Variants in MUC6 observed in about 807,000 individuals in gnomAD.
MUC6 encodes mucin-6.
In MUC6, 188 loss-of-function variants were observed where a neutral mutation model predicts 201.5. The ratio of observed to expected loss-of-function variants is 0.93; its 90% CI spans 0.83 to 1.05. The LOEUF (loss-of-function observed/expected upper bound fraction) is 1.05, where lower values mean the gene tolerates loss of function less well. Ranked by LOEUF, MUC6 falls within the 50% of genes least tolerant of loss-of-function variation. The pLI is 0.00. For synonymous variants in MUC6, 1,228 were observed against 1,389.4 expected (o/e 0.88, Z 2.58); for missense variants, 2,706 against 3,256.9 (o/e 0.83, Z 4.12).
intron 31 of MUC6, among the ~76,000 whole-genome samples, chr11:1,014,672 C>T (rs982674769): frequency 5.9e-5 from 9 of 152,140 alleles, no homozygotes; most frequent in African/African-American, 1.9e-4. Flanking sequence ...GAAAAGGAGT[C>T]CTGGGGTAAA....
Position 1,023,627 on chromosome 11 carries a change from C to T in MUC6, c.3408G>A (p.Thr1136=), listed in dbSNP as rs369651193. The T allele has an allele frequency of 3.6e-5, 58 of 1,612,808 alleles. No homozygotes were observed. The highest frequency in any genetic ancestry group is 2.3e-4 in the Admixed American group (14 of 60,026). Residue 1136 remains threonine (T), a synonymous_variant, in exon 26 of 33, where the codon ACG becomes ACA. Coordinates refer to ENST00000421673, the MANE Select transcript of MUC6 (RefSeq NM_005961.3). ...FCPIYCGFYN[T]HTQDGHGEYQ... is the part of the protein sequence containing the mutation. ...ACTCGCCATGGCCGTCCTGCGTGTG[C>T]GTGTTGTAGAAGCCGCAGTAGATGG...
Position 1,026,405 on chromosome 11 carries a change from G to A in MUC6, c.2468C>T (p.Pro823Leu), listed in dbSNP as rs1199066619. The A allele has an allele frequency of 1.2e-6, 2 of 1,608,602 alleles. No individual in the cohort carries two copies. Among genetic ancestry groups the A allele is most frequent in the Non-Finnish European group, 1.7e-6 (2 of 1,178,314 alleles). The change falls in exon 20 of 33, where the codon CCC (proline) becomes CTC (leucine). Residue 823 changes from proline to leucine, a missense_variant. By Grantham distance (98) the Pro-to-Leu change is moderately conservative. Transcript: ENST00000421673. The stretch of plus-strand genomic sequence containing the variant: ...GAACTCACATGGGCACTCCTCGGGG[G>A]GCACACACTGCCCGTCGGCATTCTC... ...LYENADGQCV[P>L]PEECPCEFSG...
intron 7 of MUC6, 34 bp from the exon 8 acceptor site, chr11:1,030,369 C>CCCCCCCCCCCCCCCCCCCCCG: frequency 6.6e-7 from 1 of 1,523,302 alleles, no homozygotes; most frequent in Non-Finnish European, 8.8e-7. Context: ...GAGAGGGTCC[C>CCCCCCCCCCCCCCCCCCCCCG]ACCCCCCCCA....
In MUC6 at chr11:1,028,206, G is replaced by T. The variant is rs772582943; in HGVS notation, c.1753+20C>A. On this transcript the variant is annotated intron_variant, in intron 14 of 32. Coordinates refer to ENST00000421673, the MANE Select transcript of MUC6 (RefSeq NM_005961.3). The stretch of plus-strand genomic sequence containing the variant: ...GGGCGCTGGGGGGGCAGCCAGGGGA[G>T]TGGGGGGCCGGACACTCACTGTTGA... 3 of 1,554,194 alleles carry T rather than the reference G, an allele frequency of 1.9e-6. No homozygotes were observed. The highest frequency in any genetic ancestry group is 3.8e-5 in the Admixed American group (2 of 52,132).
At position 1,017,520 on chromosome 11, in the gene MUC6, C is replaced by A; in HGVS notation, c.5281G>T (p.Val1761Phe). The change falls in exon 31 of 33, where the codon GTC becomes TTC. Residue 1761 changes from valine (V) to phenylalanine (F), a missense_variant. By Grantham distance (50) the Val-to-Phe change is conservative. This residue lies in a region of MUC6 where 25 missense variants were observed against 138.4 expected (regional missense o/e 0.18). Transcript: ENST00000421673. ...ATGCTGGTGGTAGAAGTTGAGGTGACTTCAGGATGGTGTGTGGAGGAAGTG... is the reference window on the plus strand; with the variant it reads ...ATGCTGGTGGTAGAAGTTGAGGTGAATTCAGGATGGTGTGTGGAGGAAGTG... ...SHTSSTHHPE[V>F]TSTSTTSITP... is the part of the protein sequence containing the mutation. The A allele has an allele frequency of 6.8e-7, 1 of 1,460,374 alleles. No individual in the cohort carries two copies. The highest frequency in any genetic ancestry group is 9.2e-7 in the Non-Finnish European group (1 of 1,085,508). The allele number at this position is 1,460,374 out of a possible 1,614,324, so 90.5% of individuals were successfully genotyped here.
chr11:1,019,841 C>T, intron 29 of MUC6: 1 of 665,032 alleles, frequency 1.5e-6, no homozygotes. Flanking sequence ...AGAGGCCCTG[C>T]AGGTCCCACA....
At chr11:1,035,534 A>ATCTCCCACG (rs1857197036) in intron 1 of MUC6, among the ~76,000 whole-genome samples, 1 of 119,148 alleles carries the variant, frequency 8.4e-6, no homozygotes, top group African/African-American at 4.3e-5. Context: ...TATCTCCTAC[A>ATCTCCCACG]GTTGAAGGGT....
chr11:1,029,310 G>T lies in MUC6; in HGVS notation c.1193C>A (p.Ser398Tyr). 1 of 1,606,190 alleles carries T rather than the reference G, an allele frequency of 6.2e-7. No individual in the cohort carries two copies. The highest frequency in any genetic ancestry group is 8.5e-7 in the Non-Finnish European group (1 of 1,177,322). ...CTERPCPGHC[S>Y]LEGGSFVTTF... is the part of the protein sequence containing the mutation. ...GGTAACAAAGGAGCCACCTTCCAGG[G>T]AGCAGTGTCCGGGGCACGGCCGCTC... The change falls in exon 10 of 33, where the codon TCC (serine) becomes TAC (tyrosine). Residue 398 changes from serine to tyrosine, a missense_variant. Around this residue, in one of 10 missense-constraint regions of MUC6, gnomAD observed 1,850 missense variants for 1,958.3 expected, o/e 0.94. Coordinates refer to ENST00000421673, the MANE Select transcript of MUC6 (RefSeq NM_005961.3).
rs1857109782 is a variant in MUC6 at position 1,031,739 on chromosome 11, G to A, written c.357-6C>T. The A allele has an allele frequency of 6.5e-7, 1 of 1,549,982 alleles. No individual in the cohort carries two copies. Among genetic ancestry groups the A allele is most frequent in the Middle Eastern group, 1.7e-4 (1 of 5,988 alleles). On this transcript the variant is annotated splice_polypyrimidine_tract_variant and splice_region_variant and intron_variant, in intron 3 of 32. Transcript: ENST00000421673. Reference sequence around the variant, plus strand: ...TATAGGGCAGGCTGATGACCCTGTGGGGCAAGGGAAGTCGGTGGTCGATCC... The same window carrying A: ...TATAGGGCAGGCTGATGACCCTGTGAGGCAAGGGAAGTCGGTGGTCGATCC...
chr11:1,019,567 C>T, intron 29 of MUC6, 71 bp from the exon 30 acceptor site: 3 of 1,389,492 alleles, frequency 2.2e-6, no homozygotes, highest in Non-Finnish European at 3.0e-6. Context: ...GTCCCAGCCC[C>T]CTGCCCTGCT....
rs913040600 is a variant in MUC6, at chr11:1,016,308, A to G, written c.6493T>C (p.Phe2165Leu). 1 of 1,611,852 alleles carries G rather than the reference A, an allele frequency of 6.2e-7. No individual in the cohort carries two copies. The highest frequency in any genetic ancestry group is 8.5e-7 in the Non-Finnish European group (1 of 1,179,108). Residue 2165 changes from phenylalanine (F) to leucine (L), a missense_variant, in exon 31 of 33, where the codon TTC (phenylalanine) becomes CTC (leucine). Physicochemically the swap from Phe to Leu is conservative, Grantham distance 22. Coordinates refer to ENST00000421673, the MANE Select transcript of MUC6 (RefSeq NM_005961.3). Reference sequence around the variant, plus strand: ...GTGGAGTGCACGGGGGCGGACACGAAAGAGGAAGATGTGCCAACAGAAGGC... The same window carrying G: ...GTGGAGTGCACGGGGGCGGACACGAGAGAGGAAGATGTGCCAACAGAAGGC... ...SSPSVGTSSS[F>L]VSAPVHSTTL...
In MUC6 at chr11:1,032,984, G is replaced by A. The variant is rs369111255; in HGVS notation, c.115+29C>T. ...CACACCGGGCCTGGGTGGTCTGGGC[G>A]GCAGGATCAGTGGCCGCTGTGTTCT... On this transcript the variant is annotated intron_variant, in intron 2 of 32. Transcript: ENST00000421673. 2.3e-5 allele frequency: 36 copies of A among 1,561,924 alleles called. 1 individual carries two copies. Among genetic ancestry groups the A allele is most frequent in the Non-Finnish European group, 2.9e-5 (33 of 1,145,228 alleles).
chr11:1,023,061 G>A (rs1035577033), intron 26 of MUC6, among the ~76,000 whole-genome samples: 2 of 151,846 alleles, frequency 1.3e-5, no homozygotes, highest in African/African-American at 2.4e-5. Flanking sequence ...GAATGTGAAT[G>A]AGCGTGAATA....
chr11:1,024,206 G>A lies in MUC6; in HGVS notation c.3226-103C>T, dbSNP rs1345796367. On this transcript the variant is annotated intron_variant, in intron 24 of 32. Transcript: ENST00000421673. ...CAGTGTGGTCAGGCCGGAGTGTGGCGGTAAGGGCGCTGGGACTGGGTGAGC... is the reference window on the plus strand; with the variant it reads ...CAGTGTGGTCAGGCCGGAGTGTGGCAGTAAGGGCGCTGGGACTGGGTGAGC... 3.0e-5 allele frequency: 41 copies of A among 1,359,502 alleles called. No individual in the cohort carries two copies. The East Asian group carries it at 5.5e-4, about 18-fold the overall frequency. 84.2% of individuals were successfully genotyped at this position (1,359,502 alleles called of 1,614,324 possible).
chr11:1,030,110 T>G, intron 8 of MUC6, 103 bp downstream of exon 8: 1 of 1,346,248 alleles, frequency 7.4e-7, no homozygotes, highest in Non-Finnish European at 9.9e-7. Context: ...GGCAGCAGAA[T>G]GTTGGGGTGA....
rs367666574 is a variant in MUC6 at position 1,021,341 on chromosome 11, C to G, written c.3527-64G>C. On this transcript the variant is annotated intron_variant, in intron 26 of 32. Transcript: ENST00000421673. ...CCAGCCAGGCCCACCTGCGTGTTTCCTGCCCTGGCGGCCTCCTTCCTCTCT... is the reference window on the plus strand; with the variant it reads ...CCAGCCAGGCCCACCTGCGTGTTTCGTGCCCTGGCGGCCTCCTTCCTCTCT... 62 of 1,175,680 alleles carry G rather than the reference C, an allele frequency of 5.3e-5. No individual in the cohort carries two copies. The African/African-American group carries it at 9.3e-4, about 18-fold the overall frequency. The allele number at this position is 1,175,680 out of a possible 1,614,324, so 72.8% of individuals were successfully genotyped here.
At chr11:1,023,132 C>CGTGAATGTGCGTGA (rs1233190045) in intron 26 of MUC6, among the ~76,000 whole-genome samples, 2 of 144,966 alleles carry the variant, frequency 1.4e-5, no homozygotes, top group East Asian at 2.1e-4. Flanking sequence ...CATGAGTGTG[C>CGTGAATGTGCGTGA]GTGAATGTGC....
chr11:1,015,665 A>T, intron 31 of MUC6, 97 bp downstream of exon 31: 1 of 1,473,306 alleles, frequency 6.8e-7, no homozygotes, highest in African/African-American at 1.4e-5. Flanking sequence ...TGGTCCTGGG[A>T]TCACAGGACC....
rs1251971843 is a variant in MUC6, at chr11:1,033,513, G to A, written c.53-438C>T. Among the ~76,000 whole-genome samples the A allele has an allele frequency of 1.3e-5, 2 of 151,394 alleles. No individual in the cohort carries two copies. Among genetic ancestry groups the A allele is most frequent in the African/African-American group, 2.4e-5 (1 of 41,232 alleles). ...GTTTCCCTGAGGGGTCTGCGCCAAG[G>A]CCCCACAGCCGGTTCTCCCTGCTCT... On this transcript the variant is annotated intron_variant, in intron 1 of 32. Transcript: ENST00000421673. The surrounding 1 kb of genome is among the most constrained non-coding windows in gnomAD (Gnocchi z 5.6).
Sources: gnomAD v4.1 joint callset for allele counts (sites outside exome capture counted in the v4.1 genomes callset) on GRCh38, gnomAD v4.1.1 for gene constraint, gnomAD v4.1.1 regional missense constraint, Gnocchi (gnomAD v3.1) non-coding constraint, MANE v1.5 for transcripts, NCBI Gene and HGNC (gene_info 2026-07-23, HGNC 2026-07-21) for gene names.